AHI1: variants seen among roughly 807,000 people sequenced by gnomAD.
AHI1 encodes the protein jouberin.
AHI1 carries 123 observed loss-of-function variants against 149.3 expected under a neutral mutation model. That is an observed-to-expected ratio of 0.82 (90% CI 0.71 to 0.96). The LOEUF is 0.96. AHI1 is among the 40% of genes least tolerant of loss of function. The probability of loss-of-function intolerance (pLI) is 0.00; values close to 1 mark genes in which losing one functional copy is unlikely to be tolerated. For missense variants in AHI1, 1,439 were observed against 1,422.7 expected, an observed-to-expected ratio of 1.01 and a Z score of -0.18; for synonymous variants, 475 against 459.8, an observed-to-expected ratio of 1.03 and a Z score of -0.42.
chr6:135,406,789 T>A (rs1253981445), intron 21 of AHI1, among the ~76,000 whole-genome samples: 4 of 152,216 alleles, frequency 2.6e-5, no homozygotes, highest in Non-Finnish European at 5.9e-5. Flanking sequence ...GTGTTCAGGC[T>A]GCCAGAATGG....
chr6:135,470,742 A>G (rs1299469157), intron 5 of AHI1, among the ~76,000 whole-genome samples: 1 of 152,092 alleles, frequency 6.6e-6, no homozygotes, highest in Non-Finnish European at 1.5e-5. Context: ...AACACCGAGA[A>G]CACATGGACA....
At chr6:135,432,262 T>G (rs1784772141) in intron 16 of AHI1, among the ~76,000 whole-genome samples, 1 of 152,160 alleles carries the variant, frequency 6.6e-6, no homozygotes, top group Non-Finnish European at 1.5e-5. Context: ...TCTCTGAAAT[T>G]ATGTAAAAAG....
chr6:135,404,120 C>G (rs1255148955), intron 22 of AHI1, among the ~76,000 whole-genome samples: 1 of 151,684 alleles, frequency 6.6e-6, no homozygotes, highest in Admixed American at 6.6e-5. Context: ...TTTACCTTCT[C>G]TTTGTGATAT....
intron 24 of AHI1, among the ~76,000 whole-genome samples, chr6:135,336,819 A>G (rs1022349895): frequency 3.9e-5 from 6 of 152,232 alleles, no homozygotes; most frequent in Non-Finnish European, 8.8e-5. Flanking sequence ...ATTTAGGAAT[A>G]TAGGTATCTA....
chr6:135,343,232 C>CA (rs781474024), intron 24 of AHI1, among the ~76,000 whole-genome samples: 27 of 151,272 alleles, frequency 1.8e-4, no homozygotes, highest in Middle Eastern at 6.3e-3. Context: ...ATAAATTTAA[C>CA]AAAAAAAATG....
chr6:135,471,262 T>C (rs775031019), intron 5 of AHI1, among the ~76,000 whole-genome samples: 7 of 152,230 alleles, frequency 4.6e-5, no homozygotes, highest in Non-Finnish European at 8.8e-5. Flanking sequence ...GCCTTTGCAC[T>C]AATAACATTA....
chr6:135,362,237 C>T (rs977276073), intron 23 of AHI1, among the ~76,000 whole-genome samples: 2 of 152,050 alleles, frequency 1.3e-5, no homozygotes, highest in Admixed American at 1.3e-4. Flanking sequence ...GCAAATTGTG[C>T]TGCTATATAT....
At chr6:135,388,646 A>T (rs1385210704) in intron 23 of AHI1, among the ~76,000 whole-genome samples, 1 of 152,166 alleles carries the variant, frequency 6.6e-6, no homozygotes, top group African/African-American at 2.4e-5. Context: ...TGGAACAATG[A>T]CTCTCAATTT....
At chr6:135,345,775 T>C (rs770667073) in intron 24 of AHI1, among the ~76,000 whole-genome samples, 1 of 152,144 alleles carries the variant, frequency 6.6e-6, no homozygotes, top group Non-Finnish European at 1.5e-5. Context: ...ACCCACTGAA[T>C]GGTACACTTT....
Position 135,318,604 on chromosome 6 carries a change from T to C in AHI1, c.3341A>G (p.Glu1114Gly). 8 of 1,602,206 alleles carry C rather than the reference T, an allele frequency of 5.0e-6. No homozygotes were observed. Among genetic ancestry groups the C allele is most frequent in the Non-Finnish European group, 6.8e-6 (8 of 1,174,132 alleles). The change falls in exon 26 of 29, where the codon GAA becomes GGA. Residue 1114 changes from glutamate to glycine, a missense_variant. Coordinates refer to ENST00000265602, the MANE Select transcript of AHI1 (RefSeq NM_001134831.2). ...NHVASETLYQELPPEIKERSP... is the reference protein window; with the variant it reads ...NHVASETLYQGLPPEIKERSP... ...TCGCTCCTTTATCTCAGGAGGCAGT[T>C]CTTGATACAGTGCTGAAATTGGAAA...
chr6:135,462,806 C>T (rs894853284), intron 8 of AHI1, among the ~76,000 whole-genome samples: 1 of 151,972 alleles, frequency 6.6e-6, no homozygotes, highest in Non-Finnish European at 1.5e-5. Flanking sequence ...GAGGCCGAGG[C>T]AGGAGAATCG....
chr6:135,488,139 C>T (rs1382509845), intron 5 of AHI1, among the ~76,000 whole-genome samples: 4 of 152,072 alleles, frequency 2.6e-5, no homozygotes, highest in Admixed American at 1.3e-4. Context: ...TCTTAAGATA[C>T]AAACAAAAGA....
At position 135,305,573 on chromosome 6, in the gene AHI1, T is replaced by A. The variant is rs558268848; in HGVS notation, c.3427-5015A>T. On this transcript the variant is annotated intron_variant, in intron 26 of 28. Transcript: ENST00000265602. ...TTTCTTTTCCTTCACATGGATTTAG[T>A]CACCAATTCCTAGCTCCTTATTATT... Among the ~76,000 whole-genome samples, 5 of 152,198 alleles carry A rather than the reference T, an allele frequency of 3.3e-5. No individual in the cohort carries two copies. The South Asian group carries it at 1.0e-3, about 32-fold the overall frequency.
intron 13 of AHI1, among the ~76,000 whole-genome samples, chr6:135,445,677 A>G (rs11962448): frequency 0.022 from 3,336 of 152,222 alleles, 122 homozygotes; most frequent in African/African-American, 0.075. Flanking sequence ...GGTTCAATCA[A>G]TCTTCCTTCC....
intron 23 of AHI1, among the ~76,000 whole-genome samples, chr6:135,383,306 T>C (rs1489320107): frequency 7.3e-6 from 1 of 137,870 alleles, no homozygotes; most frequent in Non-Finnish European, 1.5e-5. Context: ...CATGGTTCAC[T>C]GCAGCCTCAA....
In AHI1 at chr6:135,285,775, C is replaced by G. The variant is rs1250635274; in HGVS notation, c.3589-128G>C. On this transcript the variant is annotated intron_variant, in intron 28 of 28. Coordinates refer to ENST00000265602, the MANE Select transcript of AHI1 (RefSeq NM_001134831.2). ...ACATTGTGTAAAACACAAACACATACAAACACAACTAAAAAAGACCAAAAT... is the reference window on the plus strand; with the variant it reads ...ACATTGTGTAAAACACAAACACATAGAAACACAACTAAAAAAGACCAAAAT... The G allele has an allele frequency of 1.2e-5, 9 of 742,002 alleles. 1 individual carries two copies. The East Asian group carries it at 2.2e-4, about 18-fold the overall frequency. 46.0% of individuals were successfully genotyped at this position (742,002 alleles called of 1,614,324 possible). A position where few individuals can be genotyped will look rare whatever the true frequency, so the allele number is the denominator to read the frequency against.
chr6:135,361,645 T>TCATACACA (rs1491096161), intron 23 of AHI1, among the ~76,000 whole-genome samples: 3 of 133,810 alleles, frequency 2.2e-5, no homozygotes, highest in African/African-American at 8.3e-5. Context: ...AGGTATGGTT[T>TCATACACA]CACACACACA....
chr6:135,323,656 A>G (rs762859468), intron 24 of AHI1, among the ~76,000 whole-genome samples: 2 of 152,122 alleles, frequency 1.3e-5, no homozygotes, highest in Non-Finnish European at 2.9e-5. Flanking sequence ...ATTGTTTTAT[A>G]CTACCTTTAT....
At chr6:135,419,579 T>C (rs568773188) in intron 20 of AHI1, among the ~76,000 whole-genome samples, 1 of 152,286 alleles carries the variant, frequency 6.6e-6, no homozygotes, top group East Asian at 1.9e-4. Flanking sequence ...TGTAGCATTA[T>C]GTCTAAAAAA....
Sources: gnomAD v4.1 joint callset for allele counts (sites outside exome capture counted in the v4.1 genomes callset) on GRCh38, gnomAD v4.1.1 for gene constraint, MANE v1.5 for transcripts, NCBI Gene and HGNC (gene_info 2026-07-23, HGNC 2026-07-21) for gene names.